The following PSD3 variants were observed in gnomAD, a reference collection of about 807,000 sequenced individuals.
PSD3 encodes the protein pleckstrin and Sec7 domain containing 3.
PSD3 carries 49 observed loss-of-function variants against 105.5 expected under a neutral mutation model. That is an observed-to-expected ratio of 0.46 (90% CI 0.37 to 0.59). The LOEUF is 0.59. Among genes scored for constraint, PSD3 ranks in the 20% least tolerant of loss-of-function variants. PSD3 has a pLI of 0.00. For missense variants in PSD3, 1,561 were observed against 1,263.8 expected (o/e 1.24, Z -3.57); for synonymous variants, 557 against 457.8 (o/e 1.22, Z -2.77).
At chr8:18,580,635 C>A (rs992348344) in intron 12 of PSD3, among the ~76,000 whole-genome samples, 15 of 152,056 alleles carry the variant, frequency 9.9e-5, no homozygotes, top group South Asian at 6.2e-4. Flanking sequence ...AATCTCTCTT[C>A]CGAGTAAGCC....
chr8:18,775,233 G>A lies in PSD3; in HGVS notation c.2083-9695C>T, dbSNP rs546356303. On this transcript the variant is annotated intron_variant, in intron 8 of 15. Transcript: ENST00000327040. The stretch of plus-strand genomic sequence containing the variant: ...CGAGTAATATTCCACTTATATTTAT[G>A]TACCACATTTTCTATATCCATTCAT... 5.9e-5 allele frequency among the ~76,000 whole-genome samples: 9 copies of A among 152,152 alleles called. No homozygotes were observed. In the South Asian group the frequency reaches 1.9e-3, roughly 32 times the overall value.
chr8:19,048,409 G>T (rs1175194586), intron 1 of PSD3, among the ~76,000 whole-genome samples: 1 of 152,200 alleles, frequency 6.6e-6, no homozygotes, highest in African/African-American at 2.4e-5. Context: ...TTACAGCCTT[G>T]AGCATGGTAA....
intron 15 of PSD3, among the ~76,000 whole-genome samples, chr8:18,536,690 T>A (rs1381565394): frequency 6.6e-6 from 1 of 152,250 alleles, no homozygotes; most frequent in African/African-American, 2.4e-5. Flanking sequence ...TTTCAAACAG[T>A]TCCTTGATTC....
chr8:18,645,818 C>G (rs1271957148), intron 10 of PSD3, among the ~76,000 whole-genome samples: 2 of 152,060 alleles, frequency 1.3e-5, no homozygotes, highest in African/African-American at 2.4e-5. Context: ...CTGTTTCTCC[C>G]AACAATAAAT....
chr8:18,872,288 T>C lies in PSD3; in HGVS notation c.576A>G (p.Lys192=). 1 of 1,614,224 alleles carries C rather than the reference T, an allele frequency of 6.2e-7. No individual in the cohort carries two copies. The highest frequency in any genetic ancestry group is 8.5e-7 in the Non-Finnish European group (1 of 1,180,034). Residue 192 remains lysine (K), a synonymous_variant, in exon 3 of 16, where the codon AAA becomes AAG. Coordinates refer to ENST00000327040, the MANE Select transcript of PSD3 (RefSeq NM_015310.4). ...CTGAAAGAGGTATTTCTGGTAAATTTTTTTGGCCAGCAGGGAGCGTTTTGT... is the reference window on the plus strand; with the variant it reads ...CTGAAAGAGGTATTTCTGGTAAATTCTTTTGGCCAGCAGGGAGCGTTTTGT... ...RVNKTLPAGQ[K]NLPEIPLSAE...
intron 9 of PSD3, among the ~76,000 whole-genome samples, chr8:18,738,165 C>A (rs1436414952): frequency 3.3e-5 from 5 of 152,190 alleles, no homozygotes; most frequent in Non-Finnish European, 7.3e-5. Context: ...CTCTACATCA[C>A]AAACTGTTAC....
chr8:18,555,435 AAAAC>A (rs1438399903), intron 15 of PSD3, among the ~76,000 whole-genome samples: 1 of 152,184 alleles, frequency 6.6e-6, no homozygotes, highest in African/African-American at 2.4e-5. Context: ...AAAAAAAACA[AAAAC>A]AAAAAACAAC....
At chr8:18,819,154 C>A (rs1411796215) in intron 4 of PSD3, among the ~76,000 whole-genome samples, 1 of 152,208 alleles carries the variant, frequency 6.6e-6, no homozygotes, top group African/African-American at 2.4e-5. Flanking sequence ...CACTTTTTGT[C>A]CACTGCACCA....
At chr8:18,785,837 G>A (rs1809091760) in intron 8 of PSD3, among the ~76,000 whole-genome samples, 1 of 152,160 alleles carries the variant, frequency 6.6e-6, no homozygotes, top group Non-Finnish European at 1.5e-5. Flanking sequence ...GAGGCCTGAG[G>A]AGACAGAGAT....
intron 1 of PSD3, among the ~76,000 whole-genome samples, chr8:18,980,999 C>T (rs1220756993): frequency 6.6e-6 from 1 of 152,180 alleles, no homozygotes; most frequent in African/African-American, 2.4e-5. Context: ...AAATCTTTTA[C>T]ACCTCTCAGG....
At chr8:18,965,924 G>A (rs1036493407) in intron 1 of PSD3, among the ~76,000 whole-genome samples, 2 of 152,184 alleles carry the variant, frequency 1.3e-5, no homozygotes, top group African/African-American at 2.4e-5. Context: ...GGGCTTTTCC[G>A]TGCCCATTTC....
At chr8:18,984,016 A>G (rs1272928572) in intron 1 of PSD3, among the ~76,000 whole-genome samples, 1 of 151,528 alleles carries the variant, frequency 6.6e-6, no homozygotes, top group Non-Finnish European at 1.5e-5. Context: ...TTATTTAAAA[A>G]AAAAAAAAAA....
intron 1 of PSD3, among the ~76,000 whole-genome samples, chr8:19,075,663 C>T (rs879374424): frequency 6.6e-6 from 1 of 152,142 alleles, no homozygotes; most frequent in Non-Finnish European, 1.5e-5. Flanking sequence ...CCTTAAATTA[C>T]GATGTGCAGA....
intron 2 of PSD3, among the ~76,000 whole-genome samples, chr8:18,893,108 A>G (rs1818918223): frequency 6.6e-6 from 1 of 152,218 alleles, no homozygotes. Flanking sequence ...TGCAAGGTCA[A>G]GATGGCATAA....
At chr8:19,052,208 T>C (rs540701835) in intron 1 of PSD3, among the ~76,000 whole-genome samples, 1 of 152,096 alleles carries the variant, frequency 6.6e-6, no homozygotes, top group Non-Finnish European at 1.5e-5. Context: ...GCACGGTGGC[T>C]CACGCCTGTA....
At position 19,011,083 on chromosome 8, in the gene PSD3, T is replaced by C. The variant is rs78666306; in HGVS notation, c.21+2480A>G. On this transcript the variant is annotated intron_variant, in intron 1 of 15. Transcript: ENST00000327040. The stretch of plus-strand genomic sequence containing the variant: ...TCATGTCTGAATTCCTTTCCAAAAA[T>C]TGGAAACGATCACTATCCATAACTC... Among the ~76,000 whole-genome samples the C allele has an allele frequency of 6.7e-3, 1,020 of 152,148 alleles. 7 individuals carry two copies. Among genetic ancestry groups the C allele is most frequent in the Non-Finnish European group, 0.011 (726 of 68,018 alleles).
At chr8:19,052,283 C>T (rs984092878) in intron 1 of PSD3, among the ~76,000 whole-genome samples, 1 of 152,090 alleles carries the variant, frequency 6.6e-6, no homozygotes, top group Admixed American at 6.5e-5. Context: ...ATCATTCTGA[C>T]TAACACAGTG....
chr8:18,698,071 G>T (rs78614964), intron 9 of PSD3, among the ~76,000 whole-genome samples: 9,647 of 152,066 alleles, frequency 0.063, 953 homozygotes, highest in African/African-American at 0.21. Context: ...ATTACCCTGG[G>T]TTGTCTCAGT....
In PSD3 at chr8:18,529,275, T is replaced by A. The variant is rs1237144080; in HGVS notation, c.*6468A>T. On this transcript the variant is annotated 3_prime_UTR_variant, in exon 16 of 16. Coordinates refer to ENST00000327040, the MANE Select transcript of PSD3 (RefSeq NM_015310.4). ...TATAATGCATCTCAAAGTCAGACAC[T>A]AGAGCTCAGATTCCACCCTGGCCCT... 6.6e-6 allele frequency: 1 copy of A among 152,230 alleles called. No individual in the cohort carries two copies. Among genetic ancestry groups the A allele is most frequent in the African/African-American group, 2.4e-5 (1 of 41,464 alleles). The allele number at this position is 152,230 out of a possible 1,614,324, so 9.4% of individuals were successfully genotyped here. A position where few individuals can be genotyped will look rare whatever the true frequency, so the allele number is the denominator to read the frequency against.
Sources: gnomAD v4.1 joint callset for allele counts (sites outside exome capture counted in the v4.1 genomes callset) on GRCh38, gnomAD v4.1.1 for gene constraint, MANE v1.5 for transcripts, NCBI Gene and HGNC (gene_info 2026-07-23, HGNC 2026-07-21) for gene names.